Variants in SLC6A3 observed in about 807,000 individuals in gnomAD.
SLC6A3 encodes sodium-dependent dopamine transporter.
A neutral mutation model predicts 70.4 loss-of-function variants in SLC6A3; 19 were observed. That is an observed-to-expected ratio of 0.27 (90% CI 0.19 to 0.40). SLC6A3 has a LOEUF of 0.40. Among genes scored for constraint, SLC6A3 ranks in the 10% least tolerant of loss-of-function variants. The pLI, the probability that SLC6A3 is intolerant of heterozygous loss-of-function variation, is 1.00. For missense variants in SLC6A3, 613 were observed against 838.5 expected (o/e 0.73, Z 3.32); for synonymous variants, 368 against 356.6 (o/e 1.03, Z -0.36).
At chr5:1,398,725 C>G (rs1428475438) in intron 14 of SLC6A3, among the ~76,000 whole-genome samples, 1 of 152,188 alleles carries the variant, frequency 6.6e-6, no homozygotes, top group Non-Finnish European at 1.5e-5. Context: ...TTGTCCCAGA[C>G]AAGTCAGACT....
rs1014214578 is a variant in SLC6A3 at position 1,402,038 on chromosome 5, C to T, written c.1767+884G>A. Among the ~76,000 whole-genome samples the T allele has an allele frequency of 6.6e-6, 1 of 152,210 alleles. No homozygotes were observed. Among genetic ancestry groups the T allele is most frequent in the African/African-American group, 2.4e-5 (1 of 41,458 alleles). Reference sequence around the variant, plus strand: ...CTGGAGAGACTGGCTCAGTGCCAGCCTGAGAGCATCTGCCACATGTCTGAG... The same window carrying T: ...CTGGAGAGACTGGCTCAGTGCCAGCTTGAGAGCATCTGCCACATGTCTGAG... On this transcript the variant is annotated intron_variant, in intron 13 of 14. Coordinates refer to ENST00000270349, the MANE Select transcript of SLC6A3 (RefSeq NM_001044.5). This position sits in a 1 kb window ranked among gnomAD's most constrained non-coding sequence, Gnocchi z 8.5.
chr5:1,437,014 G>T lies in SLC6A3; in HGVS notation c.419-4316C>A, dbSNP rs1422651644. Among the ~76,000 whole-genome samples the T allele has an allele frequency of 6.6e-6, 1 of 152,216 alleles. No homozygotes were observed. The highest frequency in any genetic ancestry group is 1.5e-5 in the Non-Finnish European group (1 of 68,034). On this transcript the variant is annotated intron_variant, in intron 3 of 14. Coordinates refer to ENST00000270349, the MANE Select transcript of SLC6A3 (RefSeq NM_001044.5). This position sits in a 1 kb window ranked among gnomAD's most constrained non-coding sequence, Gnocchi z 4.8. ...CTCCTGTAATCCCAGCACTTTGGGA[G>T]GCCAAGGCAGGCGGATCATGAGGTC...
In SLC6A3 at chr5:1,405,013, A is replaced by C. The variant is rs1346841026; in HGVS notation, c.1599+1175T>G. Among the ~76,000 whole-genome samples the C allele has an allele frequency of 6.6e-6, 1 of 152,190 alleles. No individual in the cohort carries two copies. The highest frequency in any genetic ancestry group is 1.5e-5 in the Non-Finnish European group (1 of 68,036). On this transcript the variant is annotated intron_variant, in intron 12 of 14. Coordinates refer to ENST00000270349, the MANE Select transcript of SLC6A3 (RefSeq NM_001044.5). This position sits in a 1 kb window ranked among gnomAD's most constrained non-coding sequence, Gnocchi z 5.3. ...TGGCGGGGGAGAGCGGGAGGTGGGC[A>C]GGAGGCTGACTTTCTGGGAGGGCTT... is the stretch of plus-strand genomic sequence containing the variant.
chr5:1,418,586 T>C (rs1296716056), intron 6 of SLC6A3, among the ~76,000 whole-genome samples: 1 of 152,002 alleles, frequency 6.6e-6, no homozygotes, highest in African/African-American at 2.4e-5. Context: ...CTATCATCCA[T>C]CCATCCACCC....
intron 3 of SLC6A3, among the ~76,000 whole-genome samples, chr5:1,434,680 T>C (rs1243799936): frequency 1.3e-5 from 2 of 152,242 alleles, no homozygotes; most frequent in East Asian, 3.8e-4. Context: ...GGTACAACTT[T>C]GATTTACTTT....
chr5:1,414,520 A>AGGGCAGAGAAGGCACTGGGTGGGGGGCCG (rs1560913105), intron 8 of SLC6A3, among the ~76,000 whole-genome samples, 171 bp downstream of exon 8: 1 of 56,402 alleles, frequency 1.8e-5, no homozygotes, highest in African/African-American at 7.4e-5. Context: ...GGGTGGGGGC[A>AGGGCAGAGAAGGCACTGGGTGGGGGGCCG]GGTCTGTACT....
intron 3 of SLC6A3, among the ~76,000 whole-genome samples, chr5:1,434,458 T>C (rs1166753965): frequency 1.3e-5 from 2 of 152,220 alleles, no homozygotes; most frequent in African/African-American, 4.8e-5. Flanking sequence ...GGTCTCCTGG[T>C]AAACTGGAAC....
At position 1,443,492 on chromosome 5, in the gene SLC6A3, C is replaced by T. The variant is rs28382220; in HGVS notation, c.-45-250G>A. ...AAGACAGACACTCTGGTTTGCTCCT[C>T]CTTCCCCTGCACCCCTCCCCACTCC... On this transcript the variant is annotated intron_variant, in intron 1 of 14. Coordinates refer to ENST00000270349, the MANE Select transcript of SLC6A3 (RefSeq NM_001044.5). Among the ~76,000 whole-genome samples the T allele has an allele frequency of 2.2e-3, 336 of 152,300 alleles. 1 individual carries two copies. The highest frequency in any genetic ancestry group is 7.6e-3 in the African/African-American group (317 of 41,578).
intron 9 of SLC6A3, 118 bp from the exon 10 acceptor site, chr5:1,409,967 C>T (rs1756076717): frequency 7.6e-7 from 1 of 1,314,938 alleles, no homozygotes; most frequent in Middle Eastern, 2.4e-4. Context: ...GAACAGGGGC[C>T]ACATGGCCGT....
Position 1,397,545 on chromosome 5 carries a change from C to A in SLC6A3, c.1840-2787G>T, listed in dbSNP as rs958145520. ...ACTCGGCCGAGTGCAGGGGTGAGGACAGAGCCCACCACAGAGCAGGCTCAC... is the reference window on the plus strand; with the variant it reads ...ACTCGGCCGAGTGCAGGGGTGAGGAAAGAGCCCACCACAGAGCAGGCTCAC... On this transcript the variant is annotated intron_variant, in intron 14 of 14. Coordinates refer to ENST00000270349, the MANE Select transcript of SLC6A3 (RefSeq NM_001044.5). This position sits in a 1 kb window ranked among gnomAD's most constrained non-coding sequence, Gnocchi z 4.7. Among the ~76,000 whole-genome samples, 6 of 152,182 alleles carry A rather than the reference C, an allele frequency of 3.9e-5. No homozygotes were observed. The highest frequency in any genetic ancestry group is 1.4e-4 in the African/African-American group (6 of 41,438).
chr5:1,394,595 T>C lies in SLC6A3; in HGVS notation c.*140A>G. 1.2e-6 allele frequency: 1 copy of C among 862,186 alleles called. No individual in the cohort carries two copies. The highest frequency in any genetic ancestry group is 2.0e-6 in the Non-Finnish European group (1 of 501,850). The allele number at this position is 862,186 out of a possible 1,614,324, so 53.4% of individuals were successfully genotyped here. On this transcript the variant is annotated 3_prime_UTR_variant, in exon 15 of 15. Coordinates refer to ENST00000270349, the MANE Select transcript of SLC6A3 (RefSeq NM_001044.5). This position sits in a 1 kb window ranked among gnomAD's most constrained non-coding sequence, Gnocchi z 4.7. The stretch of plus-strand genomic sequence containing the variant: ...TGTAAACAGTCAGAAGAGAGGAGTC[T>C]TCTGCTTTGTTGTTTGTGTTTTCAG...
chr5:1,431,980 C>A (rs890719477), intron 4 of SLC6A3, among the ~76,000 whole-genome samples: 1 of 152,198 alleles, frequency 6.6e-6, no homozygotes, highest in Admixed American at 6.5e-5. Context: ...AGACTTCTTG[C>A]GCAGTGACAC....
intron 14 of SLC6A3, among the ~76,000 whole-genome samples, chr5:1,398,883 T>A (rs1284441180): frequency 6.6e-6 from 1 of 152,154 alleles, no homozygotes; most frequent in East Asian, 1.9e-4. Context: ...CAAACAAATA[T>A]ACTATCGAGG....
At chr5:1,410,900 ATGG>A (rs1197380421) in intron 9 of SLC6A3, among the ~76,000 whole-genome samples, 1 of 151,718 alleles carries the variant, frequency 6.6e-6, no homozygotes, top group Non-Finnish European at 1.5e-5. Flanking sequence ...ATGCATGTGC[ATGG>A]TGGTGTGAAT....
intron 6 of SLC6A3, among the ~76,000 whole-genome samples, chr5:1,418,607 C>G (rs1037820821): frequency 1.3e-5 from 2 of 151,872 alleles, no homozygotes; most frequent in African/African-American, 4.8e-5. Context: ...ATCCATCATC[C>G]ATCCATCCAC....
intron 6 of SLC6A3, among the ~76,000 whole-genome samples, chr5:1,419,441 A>G (rs1159975026): frequency 2.0e-5 from 3 of 152,154 alleles, no homozygotes; most frequent in African/African-American, 7.2e-5. Flanking sequence ...GCATCTTTTC[A>G]CATGCACTGG....
At chr5:1,414,908 A>AG (rs1271685752) in intron 7 of SLC6A3, 93 bp from the exon 8 acceptor site, 4 of 1,522,550 alleles carry the variant, frequency 2.6e-6, no homozygotes, top group Non-Finnish European at 2.7e-6. Context: ...TGTCTGGGGA[A>AG]GGGGGCGGGA....
At chr5:1,444,148 G>A (rs1005329734) in intron 1 of SLC6A3, among the ~76,000 whole-genome samples, 4 of 152,204 alleles carry the variant, frequency 2.6e-5, no homozygotes, top group Admixed American at 6.5e-5. Flanking sequence ...ACCACCCCGC[G>A]TGAGAGAGCT....
chr5:1,414,590 G>T, intron 8 of SLC6A3, 101 bp downstream of exon 8: 1 of 1,384,426 alleles, frequency 7.2e-7, no homozygotes, highest in Non-Finnish European at 9.9e-7. Context: ...GTCGCTCAGG[G>T]CCCATGCGTC....
Sources: allele counts gnomAD v4.1 joint callset (sites outside exome capture counted in the v4.1 genomes callset), GRCh38; gene constraint gnomAD v4.1.1; non-coding constraint Gnocchi (gnomAD v3.1); transcripts MANE v1.5; gene names NCBI Gene and HGNC (gene_info 2026-07-23, HGNC 2026-07-21).